Variants in MORC1 observed in about 807,000 individuals in gnomAD.
The protein encoded by MORC1 is MORC family CW-type zinc finger 1, also known as MORC family CW-type zinc finger protein 1.
A neutral mutation model predicts 134.9 loss-of-function variants in MORC1; 59 were observed. The observed-to-expected ratio is 0.44, with a 90% confidence interval of 0.35 to 0.54. MORC1 has a LOEUF of 0.54. Ranked by LOEUF, MORC1 falls within the 20% of genes least tolerant of loss-of-function variation. MORC1 has a pLI of 0.00. For synonymous variants in MORC1, 395 were observed against 391.7 expected (o/e 1.01, Z -0.10); for missense variants, 947 against 1,134.5 (o/e 0.83, Z 2.37).
intron 17 of MORC1, among the ~76,000 whole-genome samples, chr3:109,018,366 C>T (rs769752963): frequency 6.6e-6 from 1 of 152,098 alleles, no homozygotes; most frequent in Non-Finnish European, 1.5e-5. Flanking sequence ...CCTCCAGAGA[C>T]ATTTACCTCC....
intron 24 of MORC1, among the ~76,000 whole-genome samples, chr3:108,971,629 T>C (rs981462846): frequency 6.6e-6 from 1 of 152,176 alleles, no homozygotes; most frequent in African/African-American, 2.4e-5. Context: ...GGAGGGACCA[T>C]TCTGGCAAAG....
chr3:108,976,184 C>T (rs1238147380), intron 24 of MORC1, among the ~76,000 whole-genome samples: 1 of 152,044 alleles, frequency 6.6e-6, no homozygotes, highest in Non-Finnish European at 1.5e-5. Context: ...TAATTGTTAG[C>T]ATTAATTACA....
Position 109,046,656 on chromosome 3 carries a change from C to A in MORC1, c.1330+8072G>T, listed in dbSNP as rs4855684. Among the ~76,000 whole-genome samples the A allele has an allele frequency of 4.9e-3, 753 of 152,230 alleles. 2 individuals carry two copies. Among genetic ancestry groups the A allele is most frequent in the Middle Eastern group, 0.01 (3 of 294 alleles). On this transcript the variant is annotated intron_variant, in intron 14 of 27. Coordinates refer to ENST00000232603, the MANE Select transcript of MORC1 (RefSeq NM_014429.4). Reference sequence around the variant, plus strand: ...GACCCATATTTGATTTTTATTAATACAATGTATGCTTAATTGTCTACATTA... The same window carrying A: ...GACCCATATTTGATTTTTATTAATAAAATGTATGCTTAATTGTCTACATTA...
intron 2 of MORC1, 56 bp downstream of exon 2, chr3:109,114,328 A>C: frequency 1.4e-6 from 2 of 1,427,828 alleles, no homozygotes; most frequent in Non-Finnish European, 1.9e-6. Context: ...ATGTAATTAG[A>C]CAAGAGTTAT....
chr3:109,022,757 AATCAAATT>A (rs1948989033), intron 17 of MORC1, among the ~76,000 whole-genome samples: 1 of 152,240 alleles, frequency 6.6e-6, no homozygotes. Flanking sequence ...ATTCTGCATA[AATCAAATT>A]ATTCTTTCCA....
chr3:108,974,883 T>C (rs780396698), intron 24 of MORC1, among the ~76,000 whole-genome samples: 1 of 152,240 alleles, frequency 6.6e-6, no homozygotes, highest in African/African-American at 2.4e-5. Context: ...GGAATCCACA[T>C]CTATATCTGC....
intron 8 of MORC1, among the ~76,000 whole-genome samples, chr3:109,074,183 G>C (rs1230122543): frequency 6.6e-6 from 1 of 152,126 alleles, no homozygotes; most frequent in Non-Finnish European, 1.5e-5. Flanking sequence ...CACTCTCAGA[G>C]CTGTTTTTTG....
chr3:108,963,652 T>A, intron 26 of MORC1, 44 bp from the exon 27 acceptor site: 1 of 1,284,064 alleles, frequency 7.8e-7, no homozygotes, highest in East Asian at 2.3e-5. Flanking sequence ...TTTAAAATAT[T>A]ACTTTCCCTC....
intron 14 of MORC1, among the ~76,000 whole-genome samples, chr3:109,039,722 C>T (rs1949465929): frequency 6.6e-6 from 1 of 152,150 alleles, no homozygotes; most frequent in Non-Finnish European, 1.5e-5. Context: ...AAGACCCTGT[C>T]CTCCAAATAA....
At position 109,035,389 on chromosome 3, in the gene MORC1, A is replaced by C; in HGVS notation, c.1410T>G (p.Phe470Leu). The change falls in exon 15 of 28, where the codon TTT becomes TTG. Residue 470 changes from phenylalanine to leucine, a missense_variant. Phe to Leu is a conservative substitution (Grantham distance 22). Transcript: ENST00000232603. ...DIDVEKPLNS[F>L]QYQRRQAMGI... Reference sequence around the variant, plus strand: ...CCATGGCTTGTCTTCTTTGATATTGAAAAGAATTTAAAGGTTTCTCCACAT... The same window carrying C: ...CCATGGCTTGTCTTCTTTGATATTGCAAAGAATTTAAAGGTTTCTCCACAT... 6.3e-7 allele frequency: 1 copy of C among 1,577,922 alleles called. No homozygotes were observed. Among genetic ancestry groups the C allele is most frequent in the South Asian group, 1.2e-5 (1 of 85,710 alleles).
intron 26 of MORC1, among the ~76,000 whole-genome samples, 187 bp downstream of exon 26, chr3:108,969,482 T>C (rs1027445721): frequency 6.6e-6 from 1 of 152,216 alleles, no homozygotes; most frequent in Admixed American, 6.5e-5. Flanking sequence ...TATAGAAATG[T>C]TAGTATTTTA....
At chr3:109,077,473 G>C (rs974117819) in intron 8 of MORC1, among the ~76,000 whole-genome samples, 1 of 152,054 alleles carries the variant, frequency 6.6e-6, no homozygotes, top group Admixed American at 6.6e-5. Flanking sequence ...TTTGTGAAAT[G>C]AAATACATAC....
At chr3:109,004,586 T>C (rs1948492581) in intron 20 of MORC1, among the ~76,000 whole-genome samples, 2 of 152,196 alleles carry the variant, frequency 1.3e-5, no homozygotes, top group South Asian at 2.1e-4. Flanking sequence ...GTAAACTCAT[T>C]TGGACACATG....
At chr3:109,057,688 C>CA (rs3214775) in intron 12 of MORC1, among the ~76,000 whole-genome samples, 33,201 of 151,886 alleles carry the variant, frequency 0.22, 4,613 homozygotes, top group African/African-American at 0.39. Context: ...GCCAGTCAAA[C>CA]AAAGGATTTA....
intron 17 of MORC1, among the ~76,000 whole-genome samples, chr3:109,013,621 G>A (rs142715803): frequency 1.3e-5 from 2 of 152,234 alleles, no homozygotes; most frequent in South Asian, 2.1e-4. Flanking sequence ...CTACCGCTGG[G>A]CTCTTCCTTA....
At chr3:109,025,379 C>CTTTTTTTTTTTTTTTTTTTTTTTTTTTT (rs63701060) in intron 17 of MORC1, among the ~76,000 whole-genome samples, 1 of 105,100 alleles carries the variant, frequency 9.5e-6, no homozygotes, top group Non-Finnish European at 1.9e-5. Flanking sequence ...TTTCTTTTTT[C>CTTTTTTTTTTTTTTTTTTTTTTTTTTTT]TTTTTTTTTT....
chr3:109,057,270 T>G (rs999333419), intron 13 of MORC1, 73 bp downstream of exon 13: 8 of 1,456,458 alleles, frequency 5.5e-6, no homozygotes, highest in Non-Finnish European at 6.5e-6. Context: ...GTCACTCATC[T>G]CACTCCACAG....
At chr3:108,959,896 A>T (rs995829079) in intron 27 of MORC1, among the ~76,000 whole-genome samples, 56 of 152,204 alleles carry the variant, frequency 3.7e-4, no homozygotes, top group African/African-American at 1.3e-3. Flanking sequence ...AAGAACATAC[A>T]TCAAATTTAT....
At chr3:108,994,361 A>G (rs2107499246) in intron 21 of MORC1, among the ~76,000 whole-genome samples, 1 of 152,054 alleles carries the variant, frequency 6.6e-6, no homozygotes, top group Non-Finnish European at 1.5e-5. Context: ...CCAAAAGAAG[A>G]CCTAAATGAC....
Sources: allele counts gnomAD v4.1 joint callset (sites outside exome capture counted in the v4.1 genomes callset), GRCh38; gene constraint gnomAD v4.1.1; transcripts MANE v1.5; gene names NCBI Gene and HGNC (gene_info 2026-07-23, HGNC 2026-07-21).